Variants in NAT1 observed in about 807,000 individuals in gnomAD.
NAT1 encodes the protein arylamine N-acetyltransferase 1.
For missense variants in NAT1, 400 were observed against 339.2 expected, an observed-to-expected ratio of 1.18 and a Z score of -1.41; for synonymous variants, 144 against 122.6, an observed-to-expected ratio of 1.17 and a Z score of -1.16.
At chr8:18,186,997 C>T (rs1364785943) in intron 2 of NAT1, among the ~76,000 whole-genome samples, 1 of 152,110 alleles carries the variant, frequency 6.6e-6, no homozygotes, top group African/African-American at 2.4e-5. Context: ...TTCCTTGTGC[C>T]TGAGGAGTTG....
At chr8:18,186,169 T>C (rs564343521) in intron 2 of NAT1, among the ~76,000 whole-genome samples, 13 of 152,314 alleles carry the variant, frequency 8.5e-5, no homozygotes, top group African/African-American at 2.9e-4. Flanking sequence ...TACTGATTTT[T>C]TGTGCTTTGA....
At chr8:18,176,984 G>C (rs953033204) in intron 2 of NAT1, among the ~76,000 whole-genome samples, 1 of 151,988 alleles carries the variant, frequency 6.6e-6, no homozygotes, top group Non-Finnish European at 1.5e-5. Flanking sequence ...TATTGTGAAT[G>C]AGATTATTTT....
chr8:18,171,817 C>A (rs750147567), intron 2 of NAT1, among the ~76,000 whole-genome samples: 1 of 152,104 alleles, frequency 6.6e-6, no homozygotes, highest in Non-Finnish European at 1.5e-5. Context: ...TAACTTATAG[C>A]CTGCAATTAG....
At chr8:18,191,276 C>G (rs1443543769) in intron 2 of NAT1, among the ~76,000 whole-genome samples, 1 of 152,050 alleles carries the variant, frequency 6.6e-6, no homozygotes, top group African/African-American at 2.4e-5. Flanking sequence ...AAGAACACAA[C>G]AAAATAATAG....
chr8:18,171,224 TA>T (rs1215854082), intron 2 of NAT1, among the ~76,000 whole-genome samples: 1 of 152,180 alleles, frequency 6.6e-6, no homozygotes, highest in Non-Finnish European at 1.5e-5. Context: ...AATCTAAAAT[TA>T]AAGTGGCCAC....
chr8:18,200,933 G>C (rs979308837), intron 2 of NAT1: 1 of 152,256 alleles, frequency 6.6e-6, no homozygotes, highest in South Asian at 2.1e-4. Flanking sequence ...TCTGAAGAAG[G>C]TTTAAGTTTT....
upstream of NAT1, among the ~76,000 whole-genome samples, chr8:18,206,063 G>C (rs560771170): frequency 1.3e-5 from 2 of 152,180 alleles, no homozygotes; most frequent in Non-Finnish European, 2.9e-5. Context: ...GCTCCACATC[G>C]GCTGGTTTGC....
chr8:18,176,467 TC>T (rs35081232), intron 2 of NAT1, among the ~76,000 whole-genome samples: 1 of 152,142 alleles, frequency 6.6e-6, no homozygotes, highest in Non-Finnish European at 1.5e-5. Context: ...GACTGTTTTT[TC>T]CCAATTTGTG....
At chr8:18,194,021 G>A (rs1803129729) in intron 2 of NAT1, among the ~76,000 whole-genome samples, 1 of 152,156 alleles carries the variant, frequency 6.6e-6, no homozygotes, top group Admixed American at 6.5e-5. Flanking sequence ...TGTGGATCCT[G>A]TGGCTTAAGT....
chr8:18,174,761 C>G (rs763795072), intron 2 of NAT1, among the ~76,000 whole-genome samples: 6 of 152,018 alleles, frequency 3.9e-5, no homozygotes, highest in Non-Finnish European at 7.4e-5. Flanking sequence ...TTTTCTAGCT[C>G]TATAACTCTG....
chr8:18,185,884 A>C (rs1321234369), intron 2 of NAT1, among the ~76,000 whole-genome samples: 2 of 152,044 alleles, frequency 1.3e-5, no homozygotes, highest in Non-Finnish European at 2.9e-5. Flanking sequence ...TTCTATTTTT[A>C]TCATGGTTTC....
At chr8:18,191,207 G>A (rs1204803979) in intron 2 of NAT1, among the ~76,000 whole-genome samples, 1 of 152,186 alleles carries the variant, frequency 6.6e-6, no homozygotes, top group Non-Finnish European at 1.5e-5. Flanking sequence ...GCTCAAGTGA[G>A]CATTTCTGAC....
chr8:18,178,900 CT>C (rs1447146007), intron 2 of NAT1, among the ~76,000 whole-genome samples: 3 of 152,110 alleles, frequency 2.0e-5, no homozygotes, highest in South Asian at 2.1e-4. Context: ...CTAGATTTGT[CT>C]TTTCACCTTA....
chr8:18,204,690 A>T (rs889678938), intron 2 of NAT1, among the ~76,000 whole-genome samples: 2 of 152,216 alleles, frequency 1.3e-5, no homozygotes, highest in Admixed American at 1.3e-4. Flanking sequence ...TTTTCACTGG[A>T]AATTAGTATT....
intron 2 of NAT1, among the ~76,000 whole-genome samples, chr8:18,175,055 G>A (rs962514916): frequency 7.8e-6 from 1 of 128,026 alleles, no homozygotes; most frequent in Non-Finnish European, 1.5e-5. Context: ...TAATTTTTTT[G>A]TAGAGAGTTT....
chr8:18,185,271 T>C (rs1285656127), intron 2 of NAT1, among the ~76,000 whole-genome samples: 1 of 152,202 alleles, frequency 6.6e-6, no homozygotes, highest in Non-Finnish European at 1.5e-5. Flanking sequence ...AGCAAAGCCA[T>C]CTAGGCCGGA....
chr8:18,171,232 C>A (rs1283387357), intron 2 of NAT1, among the ~76,000 whole-genome samples: 1 of 152,082 alleles, frequency 6.6e-6, no homozygotes, highest in East Asian at 1.9e-4. Flanking sequence ...ATTAAAGTGG[C>A]CACAGTGGTG....
intron 2 of NAT1, among the ~76,000 whole-genome samples, chr8:18,172,520 T>G (rs1364227853): frequency 6.6e-6 from 1 of 152,170 alleles, no homozygotes; most frequent in African/African-American, 2.4e-5. Context: ...CAGTCAAAAC[T>G]AATACATGCT....
chr8:18,218,329 G>C (rs1334048675), intron 1 of NAT1, among the ~76,000 whole-genome samples: 1 of 152,136 alleles, frequency 6.6e-6, no homozygotes, highest in Non-Finnish European at 1.5e-5. Context: ...ATGTTGAGGA[G>C]ATCACAGCTC....
Sources: allele counts gnomAD v4.1 joint callset (sites outside exome capture counted in the v4.1 genomes callset), GRCh38; gene constraint gnomAD v4.1.1; transcripts MANE v1.5; gene names NCBI Gene and HGNC (gene_info 2026-07-23, HGNC 2026-07-21).